Variants in EPHA6 observed in about 807,000 individuals in gnomAD.
The protein encoded by EPHA6 is ephrin type-A receptor 6.
In EPHA6, 50 loss-of-function variants were observed where a neutral mutation model predicts 112.0. The ratio of observed to expected loss-of-function variants is 0.45; its 90% CI spans 0.36 to 0.56. EPHA6 has a LOEUF of 0.56. Ranked by LOEUF, EPHA6 falls within the 20% of genes least tolerant of loss-of-function variation. The probability of loss-of-function intolerance (pLI) is 0.00; values close to 1 mark genes in which losing one functional copy is unlikely to be tolerated. For missense variants in EPHA6, 1,280 were observed against 1,417.4 expected, an observed-to-expected ratio of 0.90 and a Z score of 1.56; for synonymous variants, 529 against 490.7, an observed-to-expected ratio of 1.08 and a Z score of -1.03.
At chr3:97,220,557 C>T (rs1386309796) in intron 3 of EPHA6, among the ~76,000 whole-genome samples, 1 of 152,162 alleles carries the variant, frequency 6.6e-6, no homozygotes, top group Non-Finnish European at 1.5e-5. Context: ...GGACCTTCTT[C>T]ACAAGGCAAG....
chr3:97,537,734 A>G (rs1194747204), intron 11 of EPHA6, among the ~76,000 whole-genome samples: 1 of 152,080 alleles, frequency 6.6e-6, no homozygotes, highest in Non-Finnish European at 1.5e-5. Context: ...GTACGCCACC[A>G]AGTCCAGCTA....
intron 14 of EPHA6, among the ~76,000 whole-genome samples, chr3:97,655,909 A>G (rs1170794494): frequency 6.6e-6 from 1 of 152,036 alleles, no homozygotes. Context: ...AGTATAATAA[A>G]AAAAGAAGAG....
chr3:97,735,065 CAT>C (rs1286112543), intron 15 of EPHA6, among the ~76,000 whole-genome samples: 1 of 151,948 alleles, frequency 6.6e-6, no homozygotes, highest in Non-Finnish European at 1.5e-5. Flanking sequence ...TGCACTGTTC[CAT>C]AGAGTAGCCA....
chr3:97,186,380 A>C (rs972689458), intron 3 of EPHA6, among the ~76,000 whole-genome samples: 1 of 152,096 alleles, frequency 6.6e-6, no homozygotes, highest in Admixed American at 6.6e-5. Context: ...AAAACATAGT[A>C]GTTTTTTCAT....
chr3:97,494,905 C>T (rs1258853267), intron 10 of EPHA6, among the ~76,000 whole-genome samples: 1 of 152,190 alleles, frequency 6.6e-6, no homozygotes, highest in Non-Finnish European at 1.5e-5. Context: ...TTCCATCCGA[C>T]ATGATGTCTA....
Position 96,814,996 on chromosome 3 carries a change from T to A in EPHA6, c.373T>A (p.Ser125Thr), listed in dbSNP as rs2032643677. ...GTGGCCAGGCGACTGCAGTCACGTC[T>A]CCAACAACCAAGGTAAGGGACGGGG... The part of the protein sequence containing the change: ...TAWPGDCSHV[S>T]NNQVVLLDTT... Residue 125 changes from serine (S) to threonine (T), a missense_variant, in exon 1 of 18, where the codon TCC becomes ACC. Transcript: ENST00000389672. 6.6e-7 allele frequency: 1 copy of A among 1,520,170 alleles called. No homozygotes were observed. 94.2% of individuals were successfully genotyped at this position (1,520,170 alleles called of 1,614,324 possible). A position where few individuals can be genotyped will look rare whatever the true frequency, so the allele number is the denominator to read the frequency against.
chr3:97,466,776 A>C (rs9809538), intron 7 of EPHA6, among the ~76,000 whole-genome samples: 2 of 151,882 alleles, frequency 1.3e-5, no homozygotes, highest in South Asian at 2.1e-4. Context: ...TTCCTTGCCT[A>C]TCTCTCCAAC....
intron 5 of EPHA6, among the ~76,000 whole-genome samples, chr3:97,250,035 C>A (rs2079089993): frequency 6.6e-6 from 1 of 152,122 alleles, no homozygotes; most frequent in South Asian, 2.1e-4. Flanking sequence ...ACCAAAAACA[C>A]CTCTATAACT....
intron 14 of EPHA6, among the ~76,000 whole-genome samples, chr3:97,645,172 C>A (rs999714519): frequency 3.3e-5 from 5 of 151,628 alleles, no homozygotes; most frequent in African/African-American, 9.7e-5. Flanking sequence ...TAGGTATATA[C>A]CCAAAGGACT....
intron 14 of EPHA6, among the ~76,000 whole-genome samples, chr3:97,662,232 T>C (rs543145416): frequency 6.6e-6 from 1 of 152,344 alleles, no homozygotes; most frequent in East Asian, 1.9e-4. Context: ...TTTATGTGAA[T>C]ATCTCCTGAT....
chr3:97,444,301 C>A (rs2090249590), intron 6 of EPHA6, among the ~76,000 whole-genome samples: 1 of 151,998 alleles, frequency 6.6e-6, no homozygotes, highest in Non-Finnish European at 1.5e-5. Context: ...TAGGAGAAAG[C>A]AAACCAGCTA....
At chr3:97,627,703 A>T (rs544802414) in intron 13 of EPHA6, among the ~76,000 whole-genome samples, 1 of 152,052 alleles carries the variant, frequency 6.6e-6, no homozygotes, top group Admixed American at 6.6e-5. Flanking sequence ...GCTAGAGAAG[A>T]TTATGTAAGA....
Position 97,522,280 on chromosome 3 carries a change from T to C in EPHA6, c.2201-10078T>C, listed in dbSNP as rs373620728. ...GGAAAGGATGCTGAATTTTGTCAAA[T>C]GCTTTTTCTGTATCTATTGAGATGA... On this transcript the variant is annotated intron_variant, in intron 10 of 17. Transcript: ENST00000389672. Among the ~76,000 whole-genome samples the C allele has an allele frequency of 6.1e-4, 93 of 152,282 alleles. 4 individuals carry two copies. The East Asian group carries it at 9.7e-3, about 16-fold the overall frequency.
At chr3:97,100,563 C>G (rs2047374872) in intron 3 of EPHA6, among the ~76,000 whole-genome samples, 1 of 151,828 alleles carries the variant, frequency 6.6e-6, no homozygotes, top group African/African-American at 2.4e-5. Flanking sequence ...GAGATTCATC[C>G]CTAGGCCCAG....
intron 10 of EPHA6, among the ~76,000 whole-genome samples, chr3:97,496,830 T>C (rs2091991564): frequency 6.6e-6 from 1 of 152,060 alleles, no homozygotes; most frequent in African/African-American, 2.4e-5. Flanking sequence ...AAAAACCAAC[T>C]GCCTCAGCAG....
chr3:97,529,839 A>G (rs1276298800), intron 10 of EPHA6, among the ~76,000 whole-genome samples: 1 of 152,022 alleles, frequency 6.6e-6, no homozygotes, highest in Admixed American at 6.6e-5. Context: ...CATGAAGAAA[A>G]CACCTGCCTG....
intron 3 of EPHA6, among the ~76,000 whole-genome samples, chr3:97,032,111 G>A (rs868036872): frequency 2.0e-4 from 30 of 152,252 alleles, no homozygotes; most frequent in African/African-American, 6.7e-4. Context: ...GGAATACTAT[G>A]CAGCCATAAA....
At chr3:96,899,015 G>A (rs1292128572) in intron 2 of EPHA6, among the ~76,000 whole-genome samples, 3 of 143,490 alleles carry the variant, frequency 2.1e-5, no homozygotes, top group South Asian at 4.4e-4. Context: ...GCGACAGAGC[G>A]AAACTCCATC....
rs539166743 is a variant in EPHA6 at position 97,597,336 on chromosome 3, T to G, written c.2512+4599T>G. Among the ~76,000 whole-genome samples the G allele has an allele frequency of 7.9e-5, 12 of 152,180 alleles. No homozygotes were observed. The South Asian group carries it at 2.3e-3, about 29-fold the overall frequency. ...TTAGGTTCAAAGGAAATGGCAAAGA[T>G]AGCGTGAGACTTCCTGTCTGCTGCT... On this transcript the variant is annotated intron_variant, in intron 12 of 17. Transcript: ENST00000389672.
Sources: gnomAD v4.1 joint callset for allele counts (sites outside exome capture counted in the v4.1 genomes callset) on GRCh38, gnomAD v4.1.1 for gene constraint, MANE v1.5 for transcripts, NCBI Gene and HGNC (gene_info 2026-07-23, HGNC 2026-07-21) for gene names.